Variants in KLHL21 observed in about 807,000 individuals in gnomAD.
The protein encoded by KLHL21 is kelch like family member 21.
In KLHL21, 42 loss-of-function variants were observed where a neutral mutation model predicts 44.1. The ratio of observed to expected loss-of-function variants is 0.95; its 90% CI spans 0.74 to 1.23. KLHL21 has a LOEUF of 1.23. Among genes scored for constraint, KLHL21 ranks in the 50% most tolerant of loss-of-function variants. The pLI is 0.00. For missense variants in KLHL21, 918 were observed against 889.1 expected (o/e 1.03, Z -0.41); for synonymous variants, 524 against 411.6 (o/e 1.27, Z -3.31).
chr1:6,597,558 G>A (rs1406193776), intron 2 of KLHL21, among the ~76,000 whole-genome samples: 2 of 151,574 alleles, frequency 1.3e-5, no homozygotes, highest in East Asian at 1.9e-4. Context: ...ATTGGTTCTG[G>A]GCATGTGGTG....
intron 2 of KLHL21, among the ~76,000 whole-genome samples, chr1:6,596,248 A>G (rs879488519): frequency 6.6e-6 from 1 of 152,160 alleles, no homozygotes; most frequent in Admixed American, 6.5e-5. Context: ...AAAATACAAA[A>G]ATTAGCCAGG....
chr1:6,597,942 T>C (rs1243015722), intron 2 of KLHL21, among the ~76,000 whole-genome samples: 2 of 152,182 alleles, frequency 1.3e-5, no homozygotes, highest in African/African-American at 4.8e-5. Flanking sequence ...GGAGGCAGCA[T>C]TTGGCTGTGA....
At position 6,595,684 on chromosome 1, in the gene KLHL21, C is replaced by T. The variant is rs888492514; in HGVS notation, c.1428-127G>A. On this transcript the variant is annotated intron_variant, in intron 2 of 3. Transcript: ENST00000377658. The stretch of plus-strand genomic sequence containing the variant: ...TGACCTGGATCTTTCTGATGCCATC[C>T]AGCAGCACCCTTGCCAGGTAGGCTC... 5.3e-6 allele frequency: 4 copies of T among 751,096 alleles called. No individual in the cohort carries two copies. The African/African-American group carries it at 7.0e-5, about 13-fold the overall frequency. 46.5% of individuals were successfully genotyped at this position (751,096 alleles called of 1,614,324 possible).
intron 3 of KLHL21, 185 bp downstream of exon 3, chr1:6,595,300 G>T (rs554170513): frequency 1.0e-5 from 7 of 681,394 alleles, no homozygotes; most frequent in African/African-American, 3.5e-5. Flanking sequence ...TAATCATAGG[G>T]TATTACTTAA....
rs1302733262 is a variant in KLHL21, at chr1:6,599,055, G to A, written c.1419C>T (p.Tyr473=). ...PKTATLNGLM[Y]FVRDDSAEVD... ...CGGCACCTGGAACTCACCTGACAAAGTACATGAGTCCGTTTAGAGTCGCAG... is the reference window on the plus strand; with the variant it reads ...CGGCACCTGGAACTCACCTGACAAAATACATGAGTCCGTTTAGAGTCGCAG... Residue 473 remains tyrosine (Y), a synonymous_variant, in exon 2 of 4, where the codon TAC becomes TAT. Coordinates refer to ENST00000377658, the MANE Select transcript of KLHL21 (RefSeq NM_014851.4). 3 of 1,584,698 alleles carry A rather than the reference G, an allele frequency of 1.9e-6. No individual in the cohort carries two copies. Among genetic ancestry groups the A allele is most frequent in the Non-Finnish European group, 1.7e-6 (2 of 1,164,084 alleles).
intron 1 of KLHL21, among the ~76,000 whole-genome samples, chr1:6,601,518 G>C (rs1018992516): frequency 2.0e-5 from 3 of 152,200 alleles, no homozygotes; most frequent in Non-Finnish European, 4.4e-5. Flanking sequence ...TTCCAACCAA[G>C]TGGGGAGGCA....
At chr1:6,594,122 A>G (rs750605834) in intron 3 of KLHL21, 145 of 985,980 alleles carry the variant, frequency 1.5e-4, no homozygotes, top group Non-Finnish European at 1.7e-4. Context: ...TGCGGGGAAA[A>G]CAGAACGCTG....
rs563417148 is a variant in KLHL21 at position 6,591,197 on chromosome 1, G to A, written c.*2168C>T. 4.6e-4 allele frequency: 181 copies of A among 392,418 alleles called. No individual in the cohort carries two copies. Among genetic ancestry groups the A allele is most frequent in the Admixed American group, 5.8e-4 (13 of 22,510 alleles). The allele number at this position is 392,418 out of a possible 1,614,324, so 24.3% of individuals were successfully genotyped here. On this transcript the variant is annotated 3_prime_UTR_variant, in exon 4 of 4. Transcript: ENST00000377658. The stretch of plus-strand genomic sequence containing the variant: ...CCATTGCTGCAGAGGCTGGTGCCTG[G>A]TTTTCCCCATACTTGGTCTTCTAAA...
chr1:6,602,527 G>A lies in KLHL21; in HGVS notation c.291C>T (p.Gly97=), dbSNP rs891013260. The A allele has an allele frequency of 5.8e-6, 9 of 1,540,712 alleles. No homozygotes were observed. Among genetic ancestry groups the A allele is most frequent in the Admixed American group, 1.9e-5 (1 of 51,426 alleles). Residue 97 remains glycine (G), a synonymous_variant, in exon 1 of 4, where the codon GGC becomes GGT. Coordinates refer to ENST00000377658, the MANE Select transcript of KLHL21 (RefSeq NM_014851.4). ...LQLLLDFSYT[G]RVAVSGDNAE... ...CGTTGTCGCCGCTTACCGCCACGCG[G>A]CCCGTGTAGCTGAAGTCCAGCAGCA...
Position 6,602,011 on chromosome 1 carries a change from G to A in KLHL21, c.807C>T (p.Asp269=), listed in dbSNP as rs1324070108. Residue 269 remains aspartate (D), a synonymous_variant, in exon 1 of 4, where the codon GAC becomes GAT. Transcript: ENST00000377658. ...GACGCATTCGGGGACAGGGCCCGCGGTCGTGGCGGTCGTAGCGCGCCGCCT... is the reference window on the plus strand; with the variant it reads ...GACGCATTCGGGGACAGGGCCCGCGATCGTGGCGGTCGTAGCGCGCCGCCT... The part of the protein sequence containing the change: ...DFQAARYDRH[D]RGPCPRMRPR... The A allele has an allele frequency of 3.3e-6, 5 of 1,537,780 alleles. No individual in the cohort carries two copies. Among genetic ancestry groups the A allele is most frequent in the Non-Finnish European group, 4.4e-6 (5 of 1,139,036 alleles).
chr1:6,602,424 G>T lies in KLHL21; in HGVS notation c.394C>A (p.Gln132Lys). ...KEACGAFLQQ[Q>K]LDLANCLDMQ... ...TCCAGGCAGTTGGCCAGGTCGAGCT[G>T]CTGCTGCAGGAAGGCCCCGCACGCC... Residue 132 changes from glutamine to lysine, a missense_variant, in exon 1 of 4, where the codon CAG becomes AAG. Coordinates refer to ENST00000377658, the MANE Select transcript of KLHL21 (RefSeq NM_014851.4). 6.3e-7 allele frequency: 1 copy of T among 1,595,324 alleles called. No individual in the cohort carries two copies.
intron 1 of KLHL21, chr1:6,599,891 G>C (rs553804321): frequency 5.8e-6 from 1 of 171,622 alleles, no homozygotes; most frequent in Non-Finnish European, 1.2e-5. Flanking sequence ...AGGACAAGAT[G>C]AGCGGAAACC....
chr1:6,599,691 G>T, intron 1 of KLHL21: 1 of 564,208 alleles, frequency 1.8e-6, no homozygotes, highest in Non-Finnish European at 3.2e-6. Context: ...AAGGTCCTGA[G>T]TGCAATGCTG....
chr1:6,602,712 C>T lies in KLHL21; in HGVS notation c.106G>A (p.Asp36Asn). 1 of 1,513,530 alleles carries T rather than the reference C, an allele frequency of 6.6e-7. No homozygotes were observed. The highest frequency in any genetic ancestry group is 8.8e-7 in the Non-Finnish European group (1 of 1,138,300). The allele number at this position is 1,513,530 out of a possible 1,614,324, so 93.8% of individuals were successfully genotyped here. ...CCGCCCGCCGCCTCCAGGGTCACGTCCAGGAACTTGCGCTCGGCGCGCAGC... is the reference window on the plus strand; with the variant it reads ...CCGCCCGCCGCCTCCAGGGTCACGTTCAGGAACTTGCGCTCGGCGCGCAGC... ...SQLRAERKFL[D>N]VTLEAAGGRD... is the part of the protein sequence containing the mutation. The change falls in exon 1 of 4, where the codon GAC becomes AAC. Residue 36 changes from aspartate to asparagine, a missense_variant. Transcript: ENST00000377658.
chr1:6,601,732 T>G, intron 1 of KLHL21, 65 bp downstream of exon 1: 2 of 1,468,820 alleles, frequency 1.4e-6, no homozygotes, highest in Admixed American at 2.3e-5. Flanking sequence ...CCCCCGCGAA[T>G]AGCTGGGCTC....
In KLHL21 at chr1:6,597,000, G is replaced by A. The variant is rs545625086; in HGVS notation, c.1428-1443C>T. ...CAAAGTGCGCAGACAAAGTGACACC[G>A]GGACAAATAGCCCAGGGGGACCAGC... On this transcript the variant is annotated intron_variant, in intron 2 of 3. Coordinates refer to ENST00000377658, the MANE Select transcript of KLHL21 (RefSeq NM_014851.4). Among the ~76,000 whole-genome samples the A allele has an allele frequency of 6.6e-5, 10 of 152,364 alleles. No homozygotes were observed. In the East Asian group the frequency reaches 9.6e-4, roughly 15 times the overall value.
rs918016539 is a variant in KLHL21 at position 6,600,025 on chromosome 1, T to C, written c.1022-573A>G. Among the ~76,000 whole-genome samples the C allele has an allele frequency of 3.9e-5, 6 of 152,006 alleles. No homozygotes were observed. The East Asian group carries it at 7.7e-4, about 20-fold the overall frequency. Reference sequence around the variant, plus strand: ...CGAAGCTGTGTAAGTATAATATATATATATATATTCTTCTGCCTGTATTAT... The same window carrying C: ...CGAAGCTGTGTAAGTATAATATATACATATATATTCTTCTGCCTGTATTAT... On this transcript the variant is annotated intron_variant, in intron 1 of 3. Coordinates refer to ENST00000377658, the MANE Select transcript of KLHL21 (RefSeq NM_014851.4).
intron 2 of KLHL21, among the ~76,000 whole-genome samples, chr1:6,598,096 T>C (rs1640953325): frequency 6.6e-6 from 1 of 152,328 alleles, no homozygotes; most frequent in South Asian, 2.1e-4. Flanking sequence ...CCTGGGGTTT[T>C]CCTTAAACCC....
Position 6,602,585 on chromosome 1 carries a change from C to T in KLHL21, c.233G>A (p.Arg78His). 3 of 1,529,402 alleles carry T rather than the reference C, an allele frequency of 2.0e-6. No homozygotes were observed. Among genetic ancestry groups the T allele is most frequent in the Non-Finnish European group, 2.6e-6 (3 of 1,143,128 alleles). The allele number at this position is 1,529,402 out of a possible 1,614,324, so 94.7% of individuals were successfully genotyped here. A position where few individuals can be genotyped will look rare whatever the true frequency, so the allele number is the denominator to read the frequency against. ...QLRESRAERVRLHGVPPDMLQ... is the reference protein window; with the variant it reads ...QLRESRAERVHLHGVPPDMLQ... ...CATGTCGGGAGGCACTCCGTGCAGG[C>T]GCACCCGCTCGGCGCGGCTCTCGCG... The change falls in exon 1 of 4, where the codon CGC becomes CAC. Residue 78 changes from arginine to histidine, a missense_variant. Arg to His is a conservative substitution (Grantham distance 29). Coordinates refer to ENST00000377658, the MANE Select transcript of KLHL21 (RefSeq NM_014851.4).
Sources: allele counts gnomAD v4.1 joint callset (sites outside exome capture counted in the v4.1 genomes callset), GRCh38; gene constraint gnomAD v4.1.1; transcripts MANE v1.5; gene names NCBI Gene and HGNC (gene_info 2026-07-23, HGNC 2026-07-21).